Variants in RANBP10 observed in about 807,000 individuals in gnomAD.
The protein encoded by RANBP10 is RAN binding protein 10.
A neutral mutation model predicts 72.8 loss-of-function variants in RANBP10; 24 were observed. The ratio of observed to expected loss-of-function variants is 0.33; its 90% CI spans 0.24 to 0.46. The LOEUF is 0.46. RANBP10 is among the 20% of genes least tolerant of loss of function. The pLI, the probability that RANBP10 is intolerant of heterozygous loss-of-function variation, is 1.00. For missense variants in RANBP10, 679 were observed against 817.5 expected, an observed-to-expected ratio of 0.83 and a Z score of 2.07; for synonymous variants, 310 against 322.3, an observed-to-expected ratio of 0.96 and a Z score of 0.41.
chr16:67,752,671 T>A (rs2054218486), intron 3 of RANBP10, among the ~76,000 whole-genome samples: 1 of 152,112 alleles, frequency 6.6e-6, no homozygotes, highest in Non-Finnish European at 1.5e-5. Flanking sequence ...CACAAGGATG[T>A]GTGCAAAAGG....
Position 67,755,266 on chromosome 16 carries a change from A to G in RANBP10, c.401-10811T>C, listed in dbSNP as rs142794448. Among the ~76,000 whole-genome samples the G allele has an allele frequency of 6.9e-3, 1,045 of 152,234 alleles. 14 individuals are homozygous for G. The highest frequency in any genetic ancestry group is 0.023 in the African/African-American group (949 of 41,556). On this transcript the variant is annotated intron_variant, in intron 3 of 13. Coordinates refer to ENST00000317506, the MANE Select transcript of RANBP10 (RefSeq NM_020850.3). Reference sequence around the variant, plus strand: ...GAAGCCAAAGTCAGCAACTTTCTAAACATGCACCCCTCCCTAGGTGGGTCT... The same window carrying G: ...GAAGCCAAAGTCAGCAACTTTCTAAGCATGCACCCCTCCCTAGGTGGGTCT...
intron 3 of RANBP10, among the ~76,000 whole-genome samples, chr16:67,765,772 C>G (rs1008386095): frequency 2.6e-5 from 4 of 151,894 alleles, no homozygotes; most frequent in Non-Finnish European, 4.4e-5. Context: ...GGAGGCGGAG[C>G]TTGCAGTGAG....
chr16:67,745,234 C>T (rs997509387), intron 3 of RANBP10, among the ~76,000 whole-genome samples: 5 of 152,292 alleles, frequency 3.3e-5, no homozygotes, highest in South Asian at 4.1e-4. Context: ...CCTTGGCCTC[C>T]CAAAGTCCTG....
At chr16:67,743,143 AGCTGT>A (rs2054001331) in intron 4 of RANBP10, among the ~76,000 whole-genome samples, 1 of 152,182 alleles carries the variant, frequency 6.6e-6, no homozygotes, top group Non-Finnish European at 1.5e-5. Context: ...CCCTGATACT[AGCTGT>A]GCTCATCTCC....
rs753378728 is a variant in RANBP10, at chr16:67,731,595, G to A, written c.777-11C>T. 6.2e-7 allele frequency: 1 copy of A among 1,603,896 alleles called. No homozygotes were observed. The highest frequency in any genetic ancestry group is 1.3e-5 in the African/African-American group (1 of 74,644). On this transcript the variant is annotated splice_polypyrimidine_tract_variant and intron_variant, in intron 6 of 13. Coordinates refer to ENST00000317506, the MANE Select transcript of RANBP10 (RefSeq NM_020850.3). ...TAAGATGAAACCATGCTAGAAGAAA[G>A]GAAGAGCTTCAGGTGACACTCAAGA... is the stretch of plus-strand genomic sequence containing the variant.
chr16:67,729,988 G>A lies in RANBP10; in HGVS notation c.948C>T (p.Arg316=), dbSNP rs745550702. 6.2e-7 allele frequency: 1 copy of A among 1,613,730 alleles called. No homozygotes were observed. The highest frequency in any genetic ancestry group is 8.5e-7 in the Non-Finnish European group (1 of 1,180,038). ...TGTGCTCCAGCAGCCCTGGGTAGAA[G>A]CGCTGGGTGGTCTCGATGGCCTCGC... The part of the protein sequence containing the change: ...RVGEAIETTQ[R]FYPGLLEHNP... Residue 316 remains arginine (R), a synonymous_variant, in exon 8 of 14, where the codon CGC becomes CGT. Coordinates refer to ENST00000317506, the MANE Select transcript of RANBP10 (RefSeq NM_020850.3). The surrounding 1 kb of genome is among the most constrained non-coding windows in gnomAD (Gnocchi z 7.1).
chr16:67,744,200 G>T, intron 4 of RANBP10, 88 bp downstream of exon 4: 1 of 1,534,432 alleles, frequency 6.5e-7, no homozygotes, highest in South Asian at 1.3e-5. Context: ...CAGCAGAGGC[G>T]ACACTGCCTT....
chr16:67,740,007 T>G (rs577479589), intron 4 of RANBP10: 6 of 152,200 alleles, frequency 3.9e-5, no homozygotes, highest in African/African-American at 1.4e-4. Context: ...AAGTCTTTTT[T>G]TTTTTTGAGA....
intron 3 of RANBP10, chr16:67,762,707 C>T (rs908856864): frequency 1.3e-5 from 2 of 152,256 alleles, no homozygotes; most frequent in African/African-American, 4.8e-5. Context: ...CAAATGACAG[C>T]TTCAAGCTCT....
At chr16:67,784,138 C>G (rs148781386) in intron 2 of RANBP10, among the ~76,000 whole-genome samples, 1 of 151,658 alleles carries the variant, frequency 6.6e-6, no homozygotes, top group East Asian at 1.9e-4. Context: ...AGAATAGTAG[C>G]AGACCAAATC....
chr16:67,727,290 T>G, intron 13 of RANBP10, 37 bp downstream of exon 13: 1 of 1,569,064 alleles, frequency 6.4e-7, no homozygotes. Context: ...CAGAGCAGAC[T>G]CTGTCTCTAA....
intron 5 of RANBP10, among the ~76,000 whole-genome samples, chr16:67,737,480 G>A (rs1012843415): frequency 6.6e-6 from 1 of 151,682 alleles, no homozygotes; most frequent in African/African-American, 2.4e-5. Context: ...GGGATTACAG[G>A]TGTGAGCCAC....
intron 4 of RANBP10, 41 bp from the exon 5 acceptor site, chr16:67,738,076 G>T: frequency 6.4e-7 from 1 of 1,558,216 alleles, no homozygotes; most frequent in Non-Finnish European, 8.7e-7. Context: ...CAGCCCCTGG[G>T]GCTACTCTGC....
chr16:67,761,947 T>C (rs1206993226), intron 3 of RANBP10, among the ~76,000 whole-genome samples: 1 of 152,144 alleles, frequency 6.6e-6, no homozygotes, highest in East Asian at 1.9e-4. Context: ...ACACACACCT[T>C]TTCCCAATAA....
Position 67,729,512 on chromosome 16 carries a change from G to C in RANBP10, c.1148-28C>G. On this transcript the variant is annotated intron_variant, in intron 9 of 13. Transcript: ENST00000317506. The surrounding 1 kb of genome is among the most constrained non-coding windows in gnomAD (Gnocchi z 7.1). ...AGAAGCCAGGGTGACAGTCAGAAGA[G>C]GAGGGGCAGCTTCCCATGAAATGAA... is the stretch of plus-strand genomic sequence containing the variant. 6.3e-7 allele frequency: 1 copy of C among 1,599,116 alleles called. No homozygotes were observed. The highest frequency in any genetic ancestry group is 8.5e-7 in the Non-Finnish European group (1 of 1,172,770).
At chr16:67,736,538 C>T (rs1258229417) in intron 5 of RANBP10, among the ~76,000 whole-genome samples, 3 of 152,226 alleles carry the variant, frequency 2.0e-5, no homozygotes, top group Non-Finnish European at 4.4e-5. Flanking sequence ...GGGCTCTGCA[C>T]ACAGAGGACC....
At position 67,724,219 on chromosome 16, in the gene RANBP10, G is replaced by A. The variant is rs999610033; in HGVS notation, c.*2209C>T. 6.6e-6 allele frequency: 1 copy of A among 152,280 alleles called. No homozygotes were observed. Among genetic ancestry groups the A allele is most frequent in the African/African-American group, 2.4e-5 (1 of 41,442 alleles). 9.4% of individuals were successfully genotyped at this position (152,280 alleles called of 1,614,324 possible). ...TCAGATACTGCTGGAGGGCACATCA[G>A]CCTGACCCCTCATGGGGTTTATCTG... On this transcript the variant is annotated 3_prime_UTR_variant, in exon 14 of 14. Transcript: ENST00000317506.
At chr16:67,786,007 T>A (rs1385143725) in intron 2 of RANBP10, among the ~76,000 whole-genome samples, 19 of 144,214 alleles carry the variant, frequency 1.3e-4, no homozygotes, top group African/African-American at 3.6e-4. Flanking sequence ...TCAAAAAAAA[T>A]AATAATAATT....
In RANBP10 at chr16:67,793,724, G is replaced by A. The variant is rs374847159; in HGVS notation, c.347+11704C>T. ...TCTTGATAATTTTATAAGCATCAAAGTCCATATATTAAACCCCTTTCTACT... is the reference window on the plus strand; with the variant it reads ...TCTTGATAATTTTATAAGCATCAAAATCCATATATTAAACCCCTTTCTACT... On this transcript the variant is annotated intron_variant, in intron 2 of 13. Coordinates refer to ENST00000317506, the MANE Select transcript of RANBP10 (RefSeq NM_020850.3). Among the ~76,000 whole-genome samples, 47 of 152,176 alleles carry A rather than the reference G, an allele frequency of 3.1e-4. No homozygotes were observed. The East Asian group carries it at 5.6e-3, about 18-fold the overall frequency.
Sources: gnomAD v4.1 joint callset for allele counts (sites outside exome capture counted in the v4.1 genomes callset) on GRCh38, gnomAD v4.1.1 for gene constraint, Gnocchi (gnomAD v3.1) non-coding constraint, MANE v1.5 for transcripts, NCBI Gene and HGNC (gene_info 2026-07-23, HGNC 2026-07-21) for gene names.